Variants in NR2F1-AS1 observed in about 807,000 individuals in gnomAD.
NR2F1-AS1 encodes NR2F1 antisense RNA 1.
intron 4 of NR2F1-AS1, among the ~76,000 whole-genome samples, chr5:93,429,997 CAG>C (rs1373259585): frequency 6.6e-6 from 1 of 152,176 alleles, no homozygotes; most frequent in Non-Finnish European, 1.5e-5. Context: ...TTATCTTATG[CAG>C]AGTTTAGTGC....
intron 4 of NR2F1-AS1, among the ~76,000 whole-genome samples, chr5:93,447,787 G>A (rs1412308738): frequency 6.6e-6 from 1 of 152,160 alleles, no homozygotes; most frequent in Non-Finnish European, 1.5e-5. Flanking sequence ...CAAAGACTTG[G>A]AGCCAACCCA....
chr5:93,562,857 G>A (rs886176795), intron 2 of NR2F1-AS1, among the ~76,000 whole-genome samples: 1 of 152,074 alleles, frequency 6.6e-6, no homozygotes, highest in Non-Finnish European at 1.5e-5. Context: ...TCTATACTTC[G>A]AGAACAATAA....
intron 4 of NR2F1-AS1, among the ~76,000 whole-genome samples, chr5:93,457,100 T>TGC (rs1561447261): frequency 3.3e-5 from 5 of 152,162 alleles, no homozygotes; most frequent in Non-Finnish European, 5.9e-5. Context: ...TGCCTTCCTC[T>TGC]TATCTCAACT....
intron 1 of NR2F1-AS1, among the ~76,000 whole-genome samples, chr5:93,574,744 A>G (rs1024701806): frequency 2.6e-5 from 4 of 152,094 alleles, no homozygotes; most frequent in African/African-American, 4.8e-5. Context: ...GTTAAGCCCA[A>G]CAGGTCCAGG....
At chr5:93,583,814 T>C (rs1256590626), upstream of NR2F1-AS1, 1 of 152,286 alleles carries the variant, frequency 6.6e-6, no homozygotes, top group Non-Finnish European at 1.5e-5. Context: ...TTTCCTTTTT[T>C]TGGCAATTAT....
intron 4 of NR2F1-AS1, chr5:93,411,432 T>C (rs1204122909): frequency 1.3e-5 from 2 of 152,232 alleles, no homozygotes; most frequent in Non-Finnish European, 2.9e-5. Flanking sequence ...AGTGCTTATC[T>C]TTCCAAAGAG....
At chr5:93,409,999 G>C (rs1005867989) in intron 4 of NR2F1-AS1, 1 of 152,142 alleles carries the variant, frequency 6.6e-6, no homozygotes. Context: ...TCAAGACAAA[G>C]ACATGTCTAT....
chr5:93,430,338 A>G (rs959751941), intron 4 of NR2F1-AS1, among the ~76,000 whole-genome samples: 6 of 152,140 alleles, frequency 3.9e-5, no homozygotes, highest in Non-Finnish European at 7.4e-5. Context: ...GAAGCACTGC[A>G]CTCTTCGTGT....
chr5:93,443,217 A>C (rs1164325478), intron 4 of NR2F1-AS1, among the ~76,000 whole-genome samples: 1 of 152,242 alleles, frequency 6.6e-6, no homozygotes, highest in Non-Finnish European at 1.5e-5. Flanking sequence ...TGAGAGAAGA[A>C]GGCTTCAGAT....
chr5:93,574,325 T>C (rs192309394), intron 1 of NR2F1-AS1, among the ~76,000 whole-genome samples: 327 of 152,336 alleles, frequency 2.1e-3, no homozygotes, highest in African/African-American at 7.5e-3. Flanking sequence ...AAAACCATTG[T>C]TTCTCCTGCT....
chr5:93,437,520 C>T (rs1350862781), intron 4 of NR2F1-AS1, among the ~76,000 whole-genome samples: 1 of 152,030 alleles, frequency 6.6e-6, no homozygotes. Context: ...GGACTAAAAG[C>T]AGGCAAAAGT....
chr5:93,433,438 T>C (rs1387659553), intron 4 of NR2F1-AS1, among the ~76,000 whole-genome samples: 1 of 152,194 alleles, frequency 6.6e-6, no homozygotes, highest in East Asian at 1.9e-4. Context: ...AACAAAGAAA[T>C]GATACCTGGC....
chr5:93,443,250 T>G (rs1188320324), intron 4 of NR2F1-AS1, among the ~76,000 whole-genome samples: 1 of 152,154 alleles, frequency 6.6e-6, no homozygotes, highest in Admixed American at 6.5e-5. Flanking sequence ...CAAACTTCTC[T>G]GAGCTAAAGT....
At chr5:93,555,220 C>T (rs1752327008) in intron 2 of NR2F1-AS1, among the ~76,000 whole-genome samples, 1 of 152,136 alleles carries the variant, frequency 6.6e-6, no homozygotes, top group African/African-American at 2.4e-5. Flanking sequence ...ACAAATAACT[C>T]AGTCTAGTAA....
At chr5:93,549,867 G>GA (rs1229380386) in intron 4 of NR2F1-AS1, among the ~76,000 whole-genome samples, 5 of 152,104 alleles carry the variant, frequency 3.3e-5, no homozygotes, top group Non-Finnish European at 7.3e-5. Flanking sequence ...CACAGGAACA[G>GA]AAAACCAAAC....
intron 1 of NR2F1-AS1, among the ~76,000 whole-genome samples, chr5:93,569,478 T>C (rs1752693476): frequency 6.6e-6 from 1 of 152,192 alleles, no homozygotes; most frequent in Admixed American, 6.5e-5. Context: ...GCTTCAGCGT[T>C]TCCCTGACTT....
intron 4 of NR2F1-AS1, among the ~76,000 whole-genome samples, chr5:93,428,781 T>C (rs781027544): frequency 1.3e-5 from 2 of 152,212 alleles, no homozygotes; most frequent in Non-Finnish European, 2.9e-5. Flanking sequence ...TTAAACCCTA[T>C]ACTTGCATTG....
chr5:93,433,502 A>G (rs1749369458), intron 4 of NR2F1-AS1, among the ~76,000 whole-genome samples: 1 of 152,244 alleles, frequency 6.6e-6, no homozygotes, highest in South Asian at 2.1e-4. Flanking sequence ...AAGTACAGTC[A>G]TACATTGCTT....
intron 4 of NR2F1-AS1, chr5:93,410,263 C>T (rs1474745281): frequency 6.6e-6 from 1 of 152,192 alleles, no homozygotes; most frequent in Non-Finnish European, 1.5e-5. Context: ...CATCCCTATC[C>T]TATCTTGGGT....
Sources: allele counts gnomAD v4.1 joint callset (sites outside exome capture counted in the v4.1 genomes callset), GRCh38; gene constraint gnomAD v4.1.1; transcripts MANE v1.5; gene names NCBI Gene and HGNC (gene_info 2026-07-23, HGNC 2026-07-21).